FXR1: variants seen among roughly 807,000 people sequenced by gnomAD.
FXR1 encodes the protein RNA-binding protein FXR1.
A neutral mutation model predicts 84.0 loss-of-function variants in FXR1; 15 were observed. The ratio of observed to expected loss-of-function variants is 0.18; its 90% CI spans 0.12 to 0.27. The LOEUF is 0.27. Ranked by LOEUF, FXR1 falls within the 10% of genes least tolerant of loss-of-function variation. The pLI is 1.00. For missense variants in FXR1, 480 were observed against 774.4 expected (o/e 0.62, Z 4.51); for synonymous variants, 245 against 250.7 (o/e 0.98, Z 0.21).
rs1204883028 is a variant in FXR1 at position 180,978,132 on chromosome 3, A to T, written c.*1840A>T. The stretch of plus-strand genomic sequence containing the variant: ...CTCTTACATAATTGGGTTAAAAATT[A>T]TAAGGTATTAGAAGAATTTTAATTA... On this transcript the variant is annotated 3_prime_UTR_variant, in exon 17 of 17. Transcript: ENST00000357559. The T allele has an allele frequency of 6.6e-6, 1 of 151,926 alleles. No homozygotes were observed. The highest frequency in any genetic ancestry group is 2.4e-5 in the African/African-American group (1 of 41,356). The allele number at this position is 151,926 out of a possible 1,614,324, so 9.4% of individuals were successfully genotyped here.
intron 1 of FXR1, 32 bp from the exon 2 acceptor site, chr3:180,933,302 C>G (rs371446978): frequency 3.0e-6 from 4 of 1,317,428 alleles, no homozygotes; most frequent in Non-Finnish European, 3.3e-6. Flanking sequence ...GCTTTAATAT[C>G]TATGCTTTTA....
rs182291446 is a variant in FXR1, at chr3:180,972,299, T to C, written c.1603+1941T>C. ...GCAGTGGGATCCTGTCTAGAGAAAATACAGAAATTAGCTGGGTGTGGTAGT... is the reference window on the plus strand; with the variant it reads ...GCAGTGGGATCCTGTCTAGAGAAAACACAGAAATTAGCTGGGTGTGGTAGT... On this transcript the variant is annotated intron_variant, in intron 15 of 16. Transcript: ENST00000357559. Among the ~76,000 whole-genome samples the C allele has an allele frequency of 5.9e-5, 9 of 151,930 alleles. No homozygotes were observed. In the East Asian group the frequency reaches 1.4e-3, roughly 23 times the overall value.
At chr3:180,964,701 A>ATG (rs10530708) in intron 13 of FXR1, among the ~76,000 whole-genome samples, 1 of 141,982 alleles carries the variant, frequency 7.0e-6, no homozygotes, top group South Asian at 2.2e-4. Flanking sequence ...ATATATATAT[A>ATG]ATGAGTACTG....
At chr3:180,959,069 G>A (rs753991725) in intron 10 of FXR1, among the ~76,000 whole-genome samples, 1 of 151,836 alleles carries the variant, frequency 6.6e-6, no homozygotes, top group African/African-American at 2.4e-5. Context: ...ACCTCCCAAA[G>A]TGCTGGGATT....
rs1553777207 is a variant in FXR1 at position 180,962,955 on chromosome 3, C to T, written c.1135+15C>T. On this transcript the variant is annotated intron_variant, in intron 12 of 16. Transcript: ENST00000357559. ...GCGACAGATTGGTATGGGTTTCAGACCTTCTTCCACCAGAGGGCCTGAAAA... is the reference window on the plus strand; with the variant it reads ...GCGACAGATTGGTATGGGTTTCAGATCTTCTTCCACCAGAGGGCCTGAAAA... 2 of 1,611,800 alleles carry T rather than the reference C, an allele frequency of 1.2e-6. No homozygotes were observed. The highest frequency in any genetic ancestry group is 8.5e-7 in the Non-Finnish European group (1 of 1,177,932).
chr3:180,955,818 A>G (rs1238937653), intron 9 of FXR1, among the ~76,000 whole-genome samples: 3 of 152,126 alleles, frequency 2.0e-5, no homozygotes, highest in Non-Finnish European at 4.4e-5. Flanking sequence ...AATTGGGTAT[A>G]TTTGTAGTTC....
At chr3:180,970,383 AATATAT>A (rs56345724) in intron 15 of FXR1, 25 bp downstream of exon 15, 5,856 of 367,872 alleles carry the variant, frequency 0.016, 82 homozygotes, top group African/African-American at 0.06. Flanking sequence ...AGGGAAGAGA[AATATAT>A]ATATATATAT....
chr3:180,913,238 G>A (rs985870828), intron 1 of FXR1, among the ~76,000 whole-genome samples: 2 of 152,192 alleles, frequency 1.3e-5, no homozygotes, highest in Non-Finnish European at 2.9e-5. Context: ...TTGTATTTGA[G>A]TTTTGGGCCA....
intron 2 of FXR1, among the ~76,000 whole-genome samples, chr3:180,933,832 T>A (rs1379188175): frequency 3.3e-5 from 5 of 152,060 alleles, no homozygotes; most frequent in Admixed American, 6.6e-5. Flanking sequence ...AGCGCTGGGC[T>A]GCGTGCGGTG....
intron 1 of FXR1, among the ~76,000 whole-genome samples, chr3:180,920,113 T>G (rs549615325): frequency 6.6e-6 from 1 of 152,320 alleles, no homozygotes; most frequent in Admixed American, 6.5e-5. Context: ...GGCAAAGGGA[T>G]GCGCTCCCGT....
At chr3:180,951,259 T>C (rs1220659552) in intron 7 of FXR1, 39 bp from the exon 8 acceptor site, 5 of 1,314,254 alleles carry the variant, frequency 3.8e-6, no homozygotes, top group Non-Finnish European at 5.4e-6. Context: ...CCATTTTGTA[T>C]TTTGATCTTT....
At chr3:180,950,439 T>C (rs982146194) in intron 7 of FXR1, among the ~76,000 whole-genome samples, 3 of 152,208 alleles carry the variant, frequency 2.0e-5, no homozygotes, top group Non-Finnish European at 4.4e-5. Flanking sequence ...TTTTGGCCTT[T>C]TTAAAAAAAT....
chr3:180,965,038 C>T (rs1312455936), intron 13 of FXR1, among the ~76,000 whole-genome samples: 2 of 150,406 alleles, frequency 1.3e-5, no homozygotes, highest in Non-Finnish European at 3.0e-5. Flanking sequence ...TTTTTTGAGA[C>T]GGAGTTTCGC....
In FXR1 at chr3:180,953,950, G is replaced by A. The variant is rs570269876; in HGVS notation, c.880+110G>A. ...TCTGATAACCTTATTCCAGTTATGT[G>A]TAGATTTATTTAGATAGCAATACTT... On this transcript the variant is annotated intron_variant, in intron 9 of 16. Transcript: ENST00000357559. The A allele has an allele frequency of 4.8e-6, 3 of 625,200 alleles. No individual in the cohort carries two copies. In the East Asian group the frequency reaches 8.5e-5, roughly 18 times the overall value. The allele number at this position is 625,200 out of a possible 1,614,324, so 38.7% of individuals were successfully genotyped here. A position where few individuals can be genotyped will look rare whatever the true frequency, so the allele number is the denominator to read the frequency against.
At chr3:180,943,265 C>CTTTTT (rs71182562) in intron 3 of FXR1, among the ~76,000 whole-genome samples, 1 of 27,652 alleles carries the variant, frequency 3.6e-5, no homozygotes, top group African/African-American at 1.4e-4. Flanking sequence ...CTGTGCCCGG[C>CTTTTT]TTTTTTTTTT....
chr3:180,954,739 A>G (rs563858219), intron 9 of FXR1, among the ~76,000 whole-genome samples: 1 of 152,128 alleles, frequency 6.6e-6, no homozygotes, highest in Non-Finnish European at 1.5e-5. Context: ...AAATACTTTC[A>G]GCTTCTTGGG....
chr3:180,951,207 A>C, intron 7 of FXR1, 91 bp from the exon 8 acceptor site: 1 of 719,500 alleles, frequency 1.4e-6, no homozygotes, highest in Non-Finnish European at 2.4e-6. Context: ...TTGGTGACAG[A>C]GTGAGACCCT....
chr3:180,970,134 T>A (rs368360492), intron 14 of FXR1, 24 bp from the exon 15 acceptor site: 81 of 1,324,060 alleles, frequency 6.1e-5, no homozygotes, highest in Non-Finnish European at 8.3e-5. Flanking sequence ...AAACGAATAT[T>A]TCTTGCCTCT....
intron 16 of FXR1, among the ~76,000 whole-genome samples, 161 bp downstream of exon 16, chr3:180,975,565 A>C (rs1280865507): frequency 6.6e-6 from 1 of 152,186 alleles, no homozygotes; most frequent in African/African-American, 2.4e-5. Flanking sequence ...CAGGTAACTA[A>C]AGATATGCAT....
Sources: allele counts gnomAD v4.1 joint callset (sites outside exome capture counted in the v4.1 genomes callset), GRCh38; gene constraint gnomAD v4.1.1; transcripts MANE v1.5; gene names NCBI Gene and HGNC (gene_info 2026-07-23, HGNC 2026-07-21).